WDHD1: variants seen among roughly 807,000 people sequenced by gnomAD.
WDHD1 encodes the protein WD repeat and HMG-box DNA binding protein 1.
WDHD1 carries 111 observed loss-of-function variants against 135.4 expected under a neutral mutation model. The ratio of observed to expected loss-of-function variants is 0.82; its 90% confidence interval spans 0.70 to 0.96. The LOEUF (loss-of-function observed/expected upper bound fraction) is 0.96. WDHD1 is among the 40% of genes least tolerant of loss of function. The pLI is 0.00. For missense variants in WDHD1, 1,351 were observed against 1,336.3 expected, an observed-to-expected ratio of 1.01 and a Z score of -0.17; for synonymous variants, 434 against 439.0, an observed-to-expected ratio of 0.99 and a Z score of 0.14.
At chr14:54,948,565 C>A (rs2040975505) in intron 24 of WDHD1, among the ~76,000 whole-genome samples, 1 of 152,210 alleles carries the variant, frequency 6.6e-6, no homozygotes, top group South Asian at 2.1e-4. Flanking sequence ...GTGGACTCCA[C>A]CTCTGGGGGC....
intron 21 of WDHD1, among the ~76,000 whole-genome samples, chr14:54,959,365 T>C (rs2041211131): frequency 1.9e-5 from 2 of 106,808 alleles, no homozygotes. Flanking sequence ...GCCACTGCAC[T>C]CTAACCTGGA....
chr14:54,947,844 A>G (rs1333992942), intron 24 of WDHD1, among the ~76,000 whole-genome samples: 1 of 151,810 alleles, frequency 6.6e-6, no homozygotes, highest in Non-Finnish European at 1.5e-5. Flanking sequence ...CGCCCACCTC[A>G]GCCTCCCAAA....
chr14:54,967,218 G>A, intron 17 of WDHD1, 62 bp downstream of exon 17: 1 of 1,254,168 alleles, frequency 8.0e-7, no homozygotes, highest in Admixed American at 1.8e-5. Flanking sequence ...TAATTTTAAA[G>A]TGTGTGTATC....
In WDHD1 at chr14:54,966,604, C is replaced by T. The variant is rs143476153; in HGVS notation, c.2181G>A (p.Glu727=). Residue 727 remains glutamate (E), a splice_region_variant and synonymous_variant, in exon 18 of 26, where the codon GAG becomes GAA. Coordinates refer to ENST00000360586, the MANE Select transcript of WDHD1 (RefSeq NM_007086.4). ...GAAATATAACTGAACGCCAAAATTG[C>T]TCCTATAAAAGCAAATAAAATTGCT... ...QIATEKGQME[E]QFWRSVIFHN... is the part of the protein sequence containing the mutation. 8.7e-6 allele frequency: 14 copies of T among 1,602,378 alleles called. No individual in the cohort carries two copies. The highest frequency in any genetic ancestry group is 2.3e-5 in the South Asian group (2 of 88,394).
intron 4 of WDHD1, among the ~76,000 whole-genome samples, chr14:55,009,028 CTTG>C (rs1298674514): frequency 6.6e-6 from 1 of 152,138 alleles, no homozygotes; most frequent in African/African-American, 2.4e-5. Context: ...AACTCCCGAC[CTTG>C]TGATCCGCCC....
intron 4 of WDHD1, 48 bp downstream of exon 4, chr14:55,010,261 G>T (rs775612803): frequency 2.8e-6 from 4 of 1,445,232 alleles, no homozygotes; most frequent in Admixed American, 2.5e-5. Flanking sequence ...AATAAACAAG[G>T]CCTTTTGTTC....
intron 2 of WDHD1, among the ~76,000 whole-genome samples, chr14:55,018,421 A>G (rs1228317136): frequency 6.6e-6 from 1 of 152,200 alleles, no homozygotes; most frequent in African/African-American, 2.4e-5. Context: ...GAATATCTTG[A>G]CTTGTGGGAA....
chr14:55,005,460 T>C, intron 7 of WDHD1: 1 of 567,306 alleles, frequency 1.8e-6, no homozygotes, highest in East Asian at 4.4e-5. Context: ...CTGGATGATA[T>C]GACACTGACA....
At chr14:54,970,272 G>A (rs1047276312) in intron 16 of WDHD1, among the ~76,000 whole-genome samples, 1 of 151,986 alleles carries the variant, frequency 6.6e-6, no homozygotes, top group Admixed American at 6.6e-5. Context: ...TCTATACATA[G>A]AATTGCTAAA....
At chr14:54,990,060 C>T (rs2041759750) in intron 12 of WDHD1, among the ~76,000 whole-genome samples, 1 of 151,686 alleles carries the variant, frequency 6.6e-6, no homozygotes, top group South Asian at 2.1e-4. Context: ...AAAATTAGTG[C>T]CAATATTTTA....
chr14:54,967,713 C>G (rs1158941642), intron 16 of WDHD1, among the ~76,000 whole-genome samples: 1 of 152,054 alleles, frequency 6.6e-6, no homozygotes, highest in Non-Finnish European at 1.5e-5. Context: ...CCCAACCTCC[C>G]AAGTTCAAGC....
In WDHD1 at chr14:55,000,631, T is replaced by G. The variant is rs200709670; in HGVS notation, c.814A>C (p.Lys272Gln). 1.3e-6 allele frequency: 2 copies of G among 1,569,196 alleles called. No individual in the cohort carries two copies. The highest frequency in any genetic ancestry group is 4.7e-5 in the East Asian group (2 of 42,978). The change falls in exon 10 of 26, where the codon AAA becomes CAA. Residue 272 changes from lysine to glutamine, a missense_variant. Coordinates refer to ENST00000360586, the MANE Select transcript of WDHD1 (RefSeq NM_007086.4). ...GCCAGACCACAAATTGCATAACCTT[T>G]CTCATGTTTCACCCTAAAAATTAAA... ...KDCMERVKHE[K>Q]GYAICGLAWH...
rs944590095 is a variant in WDHD1, at chr14:54,944,522, T to C, written c.3051-52A>G. On this transcript the variant is annotated intron_variant, in intron 24 of 25. Coordinates refer to ENST00000360586, the MANE Select transcript of WDHD1 (RefSeq NM_007086.4). ...TTTATACTTAAGACAGAGTTTAAAG[T>C]GCCTCATGATTTTAAGTTAGTAATC... 2.0e-6 allele frequency: 3 copies of C among 1,493,202 alleles called. No individual in the cohort carries two copies. In the African/African-American group the frequency reaches 4.3e-5, roughly 21 times the overall value. 92.5% of individuals were successfully genotyped at this position (1,493,202 alleles called of 1,614,324 possible).
chr14:54,963,301 A>G, intron 18 of WDHD1, 129 bp from the exon 19 acceptor site: 1 of 719,508 alleles, frequency 1.4e-6, no homozygotes, highest in Non-Finnish European at 2.3e-6. Flanking sequence ...TCTAAGATGC[A>G]CATTTTTACA....
chr14:54,947,893 A>C (rs2040956768), intron 24 of WDHD1, among the ~76,000 whole-genome samples: 1 of 151,534 alleles, frequency 6.6e-6, no homozygotes, highest in African/African-American at 2.4e-5. Context: ...TGCCAGGCCA[A>C]AATTGTGACT....
chr14:55,001,984 C>A (rs1466973812), intron 8 of WDHD1, 109 bp downstream of exon 8: 1 of 753,664 alleles, frequency 1.3e-6, no homozygotes, highest in Admixed American at 2.7e-5. Flanking sequence ...CATACAACAG[C>A]CAGGAGTTGT....
intron 24 of WDHD1, among the ~76,000 whole-genome samples, chr14:54,950,183 A>C (rs1424288318): frequency 1.3e-5 from 2 of 152,230 alleles, no homozygotes; most frequent in East Asian, 3.8e-4. Flanking sequence ...GCTCCAATTA[A>C]AAGACACAGA....
Position 54,995,726 on chromosome 14 carries a change from C to G in WDHD1, c.1030G>C (p.Val344Leu). ...NAGDFLNDNA[V>L]EIPSFSKGII... Reference sequence around the variant, plus strand: ...CCTTTTGAAAAAGAAGGGATCTCAACTGCATTGTCATTTAGAAAATCACCA... The same window carrying G: ...CCTTTTGAAAAAGAAGGGATCTCAAGTGCATTGTCATTTAGAAAATCACCA... The change falls in exon 11 of 26, where the codon GTT becomes CTT. Residue 344 changes from valine to leucine, a missense_variant. By Grantham distance (32) the Val-to-Leu change is conservative (BLOSUM62 1). Coordinates refer to ENST00000360586, the MANE Select transcript of WDHD1 (RefSeq NM_007086.4). 3 of 1,613,554 alleles carry G rather than the reference C, an allele frequency of 1.9e-6. No individual in the cohort carries two copies. The highest frequency in any genetic ancestry group is 1.7e-6 in the Non-Finnish European group (2 of 1,179,776).
intron 11 of WDHD1, among the ~76,000 whole-genome samples, chr14:54,993,321 T>A (rs1275857601): frequency 6.6e-6 from 1 of 152,124 alleles, no homozygotes; most frequent in South Asian, 2.1e-4. Context: ...GGTCTCACTA[T>A]GTTGCCCTGG....
Sources: allele counts gnomAD v4.1 joint callset (sites outside exome capture counted in the v4.1 genomes callset), GRCh38; gene constraint gnomAD v4.1.1; transcripts MANE v1.5; gene names NCBI Gene and HGNC (gene_info 2026-07-23, HGNC 2026-07-21).